Variants in SHC4 observed in about 807,000 individuals in gnomAD.
SHC4 encodes SHC adaptor protein 4, also known as SHC-transforming protein 4.
Under a neutral mutation model 69.4 loss-of-function variants are expected in SHC4, and 41 were observed. The ratio of observed to expected loss-of-function variants is 0.59; its 90% CI spans 0.46 to 0.77. The LOEUF is 0.77. Among genes scored for constraint, SHC4 ranks in the 30% least tolerant of loss-of-function variants. The pLI is 0.00. For missense variants in SHC4, 777 were observed against 783.8 expected (o/e 0.99, Z 0.10); for synonymous variants, 318 against 299.3 (o/e 1.06, Z -0.64).
At chr15:48,892,857 C>A (rs1394243006) in intron 2 of SHC4, among the ~76,000 whole-genome samples, 3 of 137,786 alleles carry the variant, frequency 2.2e-5, no homozygotes, top group African/African-American at 8.4e-5. Context: ...GAGCAAAACT[C>A]CGTCTCAAAA....
In SHC4 at chr15:48,825,997, G is replaced by T. The variant is rs756081859; in HGVS notation, c.1867C>A (p.Pro623Thr). ...CATTTGTTGGAATGCAAAAGTGCTGGATTATTATCTTTTCTCACTGGTTGT... is the reference window on the plus strand; with the variant it reads ...CATTTGTTGGAATGCAAAAGTGCTGTATTATTATCTTTTCTCACTGGTTGT... ...LKQPVRKDNNPALLHSNK is the reference protein window; with the variant it reads ...LKQPVRKDNNTALLHSNK The change falls in exon 12 of 12, where the codon CCA (proline) becomes ACA (threonine). Residue 623 changes from proline (P) to threonine (T), a missense_variant. By Grantham distance (38) the Pro-to-Thr change is conservative. Coordinates refer to ENST00000332408, the MANE Select transcript of SHC4 (RefSeq NM_203349.4). 1.9e-6 allele frequency: 3 copies of T among 1,613,676 alleles called. No homozygotes were observed. Among genetic ancestry groups the T allele is most frequent in the South Asian group, 1.1e-5 (1 of 91,024 alleles).
Position 48,963,166 on chromosome 15 carries a change from C to T in SHC4, c.-151G>A. ...CTCTCGAGCTCGCCCACCTCGGCTC[C>T]CGGCCCCTTAAGGGTGACAGCCCAT... On this transcript the variant is annotated 5_prime_UTR_variant, in exon 1 of 12. Coordinates refer to ENST00000332408, the MANE Select transcript of SHC4 (RefSeq NM_203349.4). 1.3e-6 allele frequency: 1 copy of T among 780,796 alleles called. No homozygotes were observed. 48.4% of individuals were successfully genotyped at this position (780,796 alleles called of 1,614,324 possible).
chr15:48,928,269 G>A (rs573365785), intron 1 of SHC4, among the ~76,000 whole-genome samples: 12 of 152,288 alleles, frequency 7.9e-5, no homozygotes, highest in African/African-American at 1.7e-4. Flanking sequence ...AACCTAGACC[G>A]AGGAGGTTTT....
At chr15:48,880,329 A>G (rs916883548) in intron 4 of SHC4, 1 of 163,032 alleles carries the variant, frequency 6.1e-6, no homozygotes, top group Non-Finnish European at 1.5e-5. Flanking sequence ...TGGTGCTTAG[A>G]CTTAATCCTA....
intron 11 of SHC4, among the ~76,000 whole-genome samples, chr15:48,831,342 C>T (rs757633478): frequency 6.6e-6 from 1 of 152,164 alleles, no homozygotes; most frequent in African/African-American, 2.4e-5. Context: ...TAGGTCTTTA[C>T]ATTCGCTCAC....
In SHC4 at chr15:48,826,027, G is replaced by A; in HGVS notation, c.1837C>T (p.Leu613Phe). The A allele has an allele frequency of 6.2e-7, 1 of 1,613,964 alleles. No individual in the cohort carries two copies. The highest frequency in any genetic ancestry group is 8.5e-7 in the Non-Finnish European group (1 of 1,179,936). The change falls in exon 12 of 12, where the codon CTT becomes TTT. Residue 613 changes from leucine (L) to phenylalanine (F), a missense_variant. Coordinates refer to ENST00000332408, the MANE Select transcript of SHC4 (RefSeq NM_203349.4). ...TTATCTTTTCTCACTGGTTGTTTAA[G>A]GCTTACTTCGCTTCCAGAGGAGATG... ...PIISSGSEVSLKQPVRKDNNP... is the reference protein window; with the variant it reads ...PIISSGSEVSFKQPVRKDNNP...
intron 1 of SHC4, among the ~76,000 whole-genome samples, chr15:48,955,456 A>G (rs919528635): frequency 8.5e-5 from 13 of 152,136 alleles, no homozygotes; most frequent in Non-Finnish European, 1.5e-4. Context: ...TCAGAGTAAT[A>G]TGAACATGGA....
At chr15:48,919,035 G>A (rs566300056) in intron 2 of SHC4, among the ~76,000 whole-genome samples, 8 of 152,132 alleles carry the variant, frequency 5.3e-5, no homozygotes, top group Non-Finnish European at 8.8e-5. Context: ...ACAGGATTTT[G>A]AAGCAAGGGA....
At chr15:48,875,703 A>G (rs1899784838) in intron 4 of SHC4, among the ~76,000 whole-genome samples, 1 of 152,230 alleles carries the variant, frequency 6.6e-6, no homozygotes, top group African/African-American at 2.4e-5. Context: ...CATATCAGGA[A>G]AGTGGAATCA....
At position 48,848,220 on chromosome 15, in the gene SHC4, A is replaced by G. The variant is rs551442358; in HGVS notation, c.1303+2968T>C. On this transcript the variant is annotated intron_variant, in intron 9 of 11. Transcript: ENST00000332408. ...CCTTCCATCCCACCATGGTTTTAGT[A>G]GCTAAGGTTTGGAGAGATAGCCTCT... is the stretch of plus-strand genomic sequence containing the variant. Among the ~76,000 whole-genome samples the G allele has an allele frequency of 3.4e-4, 51 of 152,190 alleles. No homozygotes were observed. In the South Asian group the frequency reaches 8.7e-3, roughly 26 times the overall value.
At chr15:48,904,193 G>T (rs1456030929) in intron 2 of SHC4, among the ~76,000 whole-genome samples, 2 of 152,060 alleles carry the variant, frequency 1.3e-5, no homozygotes, top group Non-Finnish European at 2.9e-5. Flanking sequence ...ATTCCACTTT[G>T]GTTGACCCAT....
chr15:48,878,731 T>TA, intron 4 of SHC4: 1 of 1,612,618 alleles, frequency 6.2e-7, no homozygotes, highest in African/African-American at 1.3e-5. Flanking sequence ...AGATTATTGA[T>TA]AGAGAGTAGT....
chr15:48,899,219 T>C (rs1213835328), intron 2 of SHC4, among the ~76,000 whole-genome samples: 1 of 152,138 alleles, frequency 6.6e-6, no homozygotes, highest in Admixed American at 6.6e-5. Context: ...GTAATCTTTG[T>C]ACTTTGGGAG....
chr15:48,836,126 G>A (rs1395669491), intron 10 of SHC4, among the ~76,000 whole-genome samples: 1 of 151,400 alleles, frequency 6.6e-6, no homozygotes, highest in Admixed American at 6.6e-5. Context: ...CGGGGAGGCA[G>A]AGGTTGCAAT....
chr15:48,846,253 C>T (rs976880431), intron 9 of SHC4, among the ~76,000 whole-genome samples: 4 of 152,108 alleles, frequency 2.6e-5, no homozygotes, highest in African/African-American at 7.2e-5. Context: ...GTTAATTAAC[C>T]TCTCTAAGAC....
At chr15:48,857,185 C>A (rs1899336714) in intron 7 of SHC4, among the ~76,000 whole-genome samples, 1 of 152,130 alleles carries the variant, frequency 6.6e-6, no homozygotes, top group East Asian at 1.9e-4. Context: ...ATCCTTGGGT[C>A]CCACCGTGTT....
intron 2 of SHC4, among the ~76,000 whole-genome samples, chr15:48,892,592 G>A (rs1050083654): frequency 1.3e-5 from 2 of 152,012 alleles, no homozygotes; most frequent in Non-Finnish European, 2.9e-5. Flanking sequence ...TGATACTGCC[G>A]AAATAGCTAG....
chr15:48,877,502 G>C, intron 4 of SHC4: 1 of 984,042 alleles, frequency 1.0e-6, no homozygotes, highest in Non-Finnish European at 1.2e-6. Flanking sequence ...ACACAAAATA[G>C]TATTTTGCTG....
intron 4 of SHC4, among the ~76,000 whole-genome samples, chr15:48,873,846 T>G (rs911294185): frequency 6.6e-6 from 1 of 152,198 alleles, no homozygotes; most frequent in African/African-American, 2.4e-5. Flanking sequence ...ATGTAATGCT[T>G]TTTGGAAAAC....
Sources: gnomAD v4.1 joint callset for allele counts (sites outside exome capture counted in the v4.1 genomes callset) on GRCh38, gnomAD v4.1.1 for gene constraint, MANE v1.5 for transcripts, NCBI Gene and HGNC (gene_info 2026-07-23, HGNC 2026-07-21) for gene names.